NPIPB2: variants seen among roughly 807,000 people sequenced by gnomAD.
The protein encoded by NPIPB2 is nuclear pore complex-interacting protein family member B2.
Under a neutral mutation model 30.8 loss-of-function variants are expected in NPIPB2, and 27 were observed. That is an observed-to-expected ratio of 0.88 (90% CI 0.65 to 1.21). The LOEUF (loss-of-function observed/expected upper bound fraction) is 1.21. NPIPB2 is among the 50% of genes most tolerant of loss of function. The probability of loss-of-function intolerance (pLI) is 0.00; values close to 1 mark genes in which losing one functional copy is unlikely to be tolerated. For synonymous variants in NPIPB2, 147 were observed against 162.0 expected, an observed-to-expected ratio of 0.91 and a Z score of 0.70; for missense variants, 440 against 446.2, an observed-to-expected ratio of 0.99 and a Z score of 0.13.
chr16:11,943,831 T>C (rs889486998), upstream of NPIPB2, among the ~76,000 whole-genome samples: 2 of 149,952 alleles, frequency 1.3e-5, no homozygotes, highest in African/African-American at 2.5e-5. Context: ...ACCCCGTCTC[T>C]ACTAAAAATA....
At chr16:11,966,891 G>T (rs1396679519) in intron 1 of NPIPB2, 1 of 152,752 alleles carries the variant, frequency 6.5e-6, no homozygotes, top group Non-Finnish European at 1.5e-5. Context: ...CTACTTAAGT[G>T]CCTCTTAAGA....
rs779846220 is a variant in NPIPB2, at chr16:11,937,641, G to T, written c.91C>A (p.His31Asn). ...CTTCCACCAAAGTCAGTCCCACGAT[G>T]ATGATGGTCAGCCAGAGTATTGATA... Residue 31 changes from histidine (H) to asparagine (N), a missense_variant, in exon 2 of 8, where the codon CAT (histidine) becomes AAT (asparagine). Coordinates refer to ENST00000399147, the Ensembl canonical transcript of NPIPB2. The T allele has an allele frequency of 7.5e-6, 12 of 1,599,156 alleles. No homozygotes were observed. In the African/African-American group the frequency reaches 1.6e-4, roughly 21 times the overall value.
upstream of NPIPB2, among the ~76,000 whole-genome samples, chr16:11,945,026 A>T (rs11644232): frequency 0.31 from 47,099 of 150,208 alleles, 9,014 homozygotes; most frequent in Non-Finnish European, 0.45. Flanking sequence ...TAAAAATAAA[A>T]AAAAAAAAAA....
intron 1 of NPIPB2, among the ~76,000 whole-genome samples, chr16:11,957,447 C>T (rs2055121212): frequency 6.6e-6 from 1 of 151,914 alleles, no homozygotes; most frequent in Non-Finnish European, 1.5e-5. Flanking sequence ...TTGTGAACCA[C>T]CGTGCCCTAC....
intron 1 of NPIPB2, chr16:11,966,278 G>A (rs146604927): frequency 1.6e-5 from 26 of 1,613,862 alleles, no homozygotes; most frequent in East Asian, 4.5e-5. Context: ...GGCAGTTTTC[G>A]TGCTAATGTT....
chr16:11,937,717 T>A, intron 1 of NPIPB2, 49 bp from the exon 2 acceptor site: 1 of 1,588,828 alleles, frequency 6.3e-7, no homozygotes, highest in Non-Finnish European at 8.5e-7. Context: ...ACACTGACAA[T>A]ATTTCACTCA....
chr16:11,930,523 C>A, exon 5 of NPIPB2: 1 of 1,588,340 alleles, frequency 6.3e-7, no homozygotes, highest in Non-Finnish European at 8.5e-7. Context: ...TCCTTTTCTG[C>A]ATGCTCACAT....
At chr16:11,936,992 C>T (rs1384110718) in intron 2 of NPIPB2, among the ~76,000 whole-genome samples, 1 of 151,848 alleles carries the variant, frequency 6.6e-6, no homozygotes, top group Admixed American at 6.6e-5. Context: ...TTTGCTGCCC[C>T]TCTAAATGGC....
chr16:11,928,777 A>G, intron 7 of NPIPB2: 1 of 10,676 alleles, frequency 9.4e-5, no homozygotes, highest in South Asian at 2.8e-4. Context: ...CCATGGAAAA[A>G]TGAGGTGGGA....
At chr16:11,959,452 T>C (rs1392781623) in intron 1 of NPIPB2, among the ~76,000 whole-genome samples, 1 of 151,890 alleles carries the variant, frequency 6.6e-6, no homozygotes, top group Non-Finnish European at 1.5e-5. Flanking sequence ...TTGCTATGCA[T>C]GGTGGCGTAC....
intron 1 of NPIPB2, among the ~76,000 whole-genome samples, chr16:11,961,846 A>G (rs1195573834): frequency 1.3e-5 from 2 of 151,986 alleles, no homozygotes; most frequent in East Asian, 3.8e-4. Flanking sequence ...GGTGGATACA[A>G]ATAAAATAGG....
At chr16:11,961,427 T>G (rs1001185458) in intron 1 of NPIPB2, among the ~76,000 whole-genome samples, 3 of 152,210 alleles carry the variant, frequency 2.0e-5, no homozygotes, top group Non-Finnish European at 4.4e-5. Context: ...AAAAAGTATT[T>G]TTTTAAATTT....
upstream of NPIPB2, among the ~76,000 whole-genome samples, chr16:11,945,256 T>C (rs1488441124): frequency 6.6e-6 from 1 of 151,920 alleles, no homozygotes; most frequent in East Asian, 1.9e-4. Flanking sequence ...TAGTGTGTGC[T>C]TATAGTCCCA....
intron 1 of NPIPB2, among the ~76,000 whole-genome samples, chr16:11,975,386 A>G (rs2055276562): frequency 6.7e-6 from 1 of 150,214 alleles, no homozygotes; most frequent in Non-Finnish European, 1.5e-5. Context: ...TGACCTCGTG[A>G]TCCGCCCGCC....
intron 4 of NPIPB2, among the ~76,000 whole-genome samples, chr16:11,932,460 G>A (rs2054802671): frequency 6.6e-6 from 1 of 151,548 alleles, no homozygotes; most frequent in African/African-American, 2.4e-5. Context: ...TGGCCAACAT[G>A]GTGAACCCCT....
At chr16:11,950,744 TA>T (rs2055054238) in intron 1 of NPIPB2, among the ~76,000 whole-genome samples, 1 of 151,972 alleles carries the variant, frequency 6.6e-6, no homozygotes, top group African/African-American at 2.4e-5. Context: ...TTCCAGCCCA[TA>T]AATATTTACC....
rs2150919498 is a variant in NPIPB2 at position 11,941,972 on chromosome 16, G to C, written c.63+11C>G. 3 of 1,060,916 alleles carry C rather than the reference G, an allele frequency of 2.8e-6. No individual in the cohort carries two copies. The East Asian group carries it at 7.8e-5, about 28-fold the overall frequency. 65.7% of individuals were successfully genotyped at this position (1,060,916 alleles called of 1,614,324 possible). On this transcript the variant is annotated intron_variant, in intron 1 of 7. Coordinates refer to ENST00000399147, the Ensembl canonical transcript of NPIPB2. ...ACAAATGATGGCAGGATGGCAGGAA[G>C]AACCTCATACCCAAGCAGAGTGCCA...
chr16:11,974,751 G>C (rs1329636421), intron 1 of NPIPB2, among the ~76,000 whole-genome samples: 4 of 152,052 alleles, frequency 2.6e-5, no homozygotes, highest in African/African-American at 4.8e-5. Flanking sequence ...CCTTTTCCCC[G>C]ATGTGTAAAA....
chr16:11,952,308 A>G (rs8060611), intron 1 of NPIPB2, among the ~76,000 whole-genome samples: 28,701 of 151,774 alleles, frequency 0.19, 5,120 homozygotes, highest in African/African-American at 0.46. Context: ...AGATCGCGCC[A>G]CTGCACTCCA....
Sources: allele counts gnomAD v4.1 joint callset (sites outside exome capture counted in the v4.1 genomes callset), GRCh38; gene constraint gnomAD v4.1.1; transcripts MANE v1.5; gene names NCBI Gene and HGNC (gene_info 2026-07-23, HGNC 2026-07-21).